Variants in CDH13 observed in about 807,000 individuals in gnomAD.
The protein encoded by CDH13 is cadherin-13.
CDH13 carries 24 observed loss-of-function variants against 63.8 expected under a neutral mutation model. The ratio of observed to expected loss-of-function variants is 0.38; its 90% CI spans 0.27 to 0.53. The LOEUF (loss-of-function observed/expected upper bound fraction) is 0.53, where lower values mean the gene tolerates loss of function less well. CDH13 is among the 20% of genes least tolerant of loss of function. The pLI, the probability that CDH13 is intolerant of heterozygous loss-of-function variation, is 0.85. For missense variants in CDH13, 1,049 were observed against 903.1 expected (o/e 1.16, Z -2.07); for synonymous variants, 503 against 355.3 (o/e 1.42, Z -4.67).
chr16:82,794,569 C>T (rs755250374), intron 1 of CDH13, among the ~76,000 whole-genome samples: 14 of 151,996 alleles, frequency 9.2e-5, no homozygotes, highest in East Asian at 5.8e-4. Context: ...TGTAATACCC[C>T]GCACATTTGG....
intron 7 of CDH13, among the ~76,000 whole-genome samples, chr16:83,560,706 C>G (rs2075687493): frequency 6.6e-6 from 1 of 152,234 alleles, no homozygotes; most frequent in African/African-American, 2.4e-5. Flanking sequence ...TACTTAGCTT[C>G]TTTCTCTGTA....
At chr16:83,557,284 A>T (rs1185708293) in intron 7 of CDH13, among the ~76,000 whole-genome samples, 1 of 152,164 alleles carries the variant, frequency 6.6e-6, no homozygotes, top group Non-Finnish European at 1.5e-5. Context: ...CAGATTCCAC[A>T]TTATGGCGAG....
intron 2 of CDH13, among the ~76,000 whole-genome samples, chr16:82,952,758 C>G (rs751816452): frequency 1.3e-5 from 2 of 152,194 alleles, no homozygotes; most frequent in Non-Finnish European, 2.9e-5. Flanking sequence ...GTCCACCATT[C>G]TCTACTCTCT....
intron 6 of CDH13, among the ~76,000 whole-genome samples, chr16:83,463,352 C>G (rs1039612446): frequency 4.6e-5 from 7 of 152,234 alleles, no homozygotes; most frequent in African/African-American, 1.7e-4. Context: ...CCCATTATCT[C>G]TATCCTCCAG....
intron 1 of CDH13, among the ~76,000 whole-genome samples, chr16:82,770,734 G>A (rs2035228600): frequency 6.6e-6 from 1 of 152,146 alleles, no homozygotes; most frequent in Non-Finnish European, 1.5e-5. Context: ...TGGAGACAGA[G>A]TCTCAGTCTG....
chr16:83,500,312 C>CTT (rs2074246100), intron 7 of CDH13, among the ~76,000 whole-genome samples: 1 of 694 alleles, frequency 1.4e-3, no homozygotes, highest in Non-Finnish European at 0.071. Context: ...CCTTCTCCTT[C>CTT]TCCTTCTCCT....
chr16:82,806,720 A>G (rs1279628077), intron 1 of CDH13, among the ~76,000 whole-genome samples: 1 of 152,162 alleles, frequency 6.6e-6, no homozygotes, highest in Non-Finnish European at 1.5e-5. Context: ...GGAGAGCTGG[A>G]GAGTTCACAT....
intron 2 of CDH13, among the ~76,000 whole-genome samples, chr16:82,929,612 A>G (rs1009631563): frequency 7.2e-6 from 1 of 139,246 alleles, no homozygotes; most frequent in African/African-American, 2.7e-5. Flanking sequence ...ACGTCACGCC[A>G]CTGCACTCCA....
chr16:83,784,524 C>A (rs549645661), intron 13 of CDH13, among the ~76,000 whole-genome samples: 1 of 150,390 alleles, frequency 6.6e-6, no homozygotes, highest in African/African-American at 2.5e-5. Flanking sequence ...CCCAGCTACT[C>A]GGGAGGCTGA....
At chr16:82,862,260 C>G (rs1000285715) in intron 2 of CDH13, among the ~76,000 whole-genome samples, 7 of 152,184 alleles carry the variant, frequency 4.6e-5, no homozygotes, top group African/African-American at 1.7e-4. Flanking sequence ...CAGAAGATCC[C>G]CAGTCTTAGA....
At chr16:83,552,514 A>G (rs191476311) in intron 7 of CDH13, among the ~76,000 whole-genome samples, 136 of 152,298 alleles carry the variant, frequency 8.9e-4, no homozygotes, top group Non-Finnish European at 1.1e-3. Context: ...GGAAATGCAA[A>G]ATGTTGATAC....
At chr16:83,691,705 G>A (rs1904906450) in intron 10 of CDH13, among the ~76,000 whole-genome samples, 1 of 152,098 alleles carries the variant, frequency 6.6e-6, no homozygotes, top group African/African-American at 2.4e-5. Context: ...CCAGGGTAGA[G>A]TGTACATTGT....
At chr16:83,347,635 T>A (rs897424637) in intron 6 of CDH13, among the ~76,000 whole-genome samples, 21 of 152,120 alleles carry the variant, frequency 1.4e-4, no homozygotes, top group African/African-American at 5.1e-4. Context: ...TATCCCTATC[T>A]TACAGATGAG....
At position 83,733,087 on chromosome 16, in the gene CDH13, C is replaced by T. The variant is rs118056289; in HGVS notation, c.1539-15021C>T. Among the ~76,000 whole-genome samples the T allele has an allele frequency of 3.9e-5, 6 of 152,320 alleles. 1 individual carries two copies. The highest frequency in any genetic ancestry group is 8.8e-5 in the Non-Finnish European group (6 of 68,028). On this transcript the variant is annotated intron_variant, in intron 10 of 13. Coordinates refer to ENST00000567109, the MANE Select transcript of CDH13 (RefSeq NM_001257.5). ...AGGAAGCTCCCCACCTTGATCACTGCAAACTCCCCAGTCCCTAACAGAATA... is the reference window on the plus strand; with the variant it reads ...AGGAAGCTCCCCACCTTGATCACTGTAAACTCCCCAGTCCCTAACAGAATA...
Position 83,773,329 on chromosome 16 carries a change from C to T in CDH13, c.1682-6639C>T, listed in dbSNP as rs544986499. ...CTCATACTACTGTATAGCTACTACT[C>T]GATACTGGGTAATTTATAAAGGAAA... On this transcript the variant is annotated intron_variant, in intron 11 of 13. Coordinates refer to ENST00000567109, the MANE Select transcript of CDH13 (RefSeq NM_001257.5). 4.6e-5 allele frequency among the ~76,000 whole-genome samples: 7 copies of T among 152,252 alleles called. No homozygotes were observed. The South Asian group carries it at 1.0e-3, about 23-fold the overall frequency.
At chr16:83,138,606 C>T (rs1831070348) in intron 4 of CDH13, among the ~76,000 whole-genome samples, 1 of 152,148 alleles carries the variant, frequency 6.6e-6, no homozygotes, top group African/African-American at 2.4e-5. Context: ...TTGGAGAAAT[C>T]ATCAAAGGCT....
intron 2 of CDH13, among the ~76,000 whole-genome samples, chr16:83,015,677 G>GTGTATATATA (rs1280924836): frequency 9.9e-4 from 37 of 37,562 alleles, no homozygotes; most frequent in African/African-American, 3.0e-3. Context: ...GTGTGTGTAT[G>GTGTATATATA]TATATATATA....
chr16:83,528,775 T>C (rs114630838), intron 7 of CDH13, among the ~76,000 whole-genome samples: 1,773 of 152,314 alleles, frequency 0.012, 40 homozygotes, highest in African/African-American at 0.04. Context: ...TTTATTCTAA[T>C]TTCTAAATCC....
intron 9 of CDH13, among the ~76,000 whole-genome samples, chr16:83,676,792 C>A (rs1174213519): frequency 1.3e-5 from 2 of 152,216 alleles, no homozygotes; most frequent in African/African-American, 2.4e-5. Flanking sequence ...GTGCTTAGCA[C>A]TGAATACATG....
Sources: gnomAD v4.1 joint callset for allele counts (sites outside exome capture counted in the v4.1 genomes callset) on GRCh38, gnomAD v4.1.1 for gene constraint, MANE v1.5 for transcripts, NCBI Gene and HGNC (gene_info 2026-07-23, HGNC 2026-07-21) for gene names.